The following PTPN1 variants were observed in gnomAD, a reference collection of about 807,000 sequenced individuals.
The protein encoded by PTPN1 is protein tyrosine phosphatase non-receptor type 1.
Under a neutral mutation model 59.9 loss-of-function variants are expected in PTPN1, and 12 were observed. The observed-to-expected ratio is 0.20, with a 90% CI of 0.13 to 0.32. The LOEUF is 0.32. Ranked by LOEUF, PTPN1 falls within the 10% of genes least tolerant of loss-of-function variation. The probability of loss-of-function intolerance (pLI) is 1.00; values close to 1 mark genes in which losing one functional copy is unlikely to be tolerated. For synonymous variants in PTPN1, 178 were observed against 203.6 expected (o/e 0.87, Z 1.07); for missense variants, 356 against 549.2 (o/e 0.65, Z 3.52).
chr20:50,523,877 T>C (rs1196182222), intron 1 of PTPN1, among the ~76,000 whole-genome samples: 1 of 152,184 alleles, frequency 6.6e-6, no homozygotes, highest in Non-Finnish European at 1.5e-5. Flanking sequence ...GGAGTGAGCC[T>C]GTATATTCTC....
At chr20:50,574,346 C>T in intron 4 of PTPN1, 171 bp from the exon 5 acceptor site, 1 of 638,408 alleles carries the variant, frequency 1.6e-6, no homozygotes, top group Non-Finnish European at 2.5e-6. Flanking sequence ...AGCTTCGTGC[C>T]CCCACCCCCA....
chr20:50,553,012 A>T (rs1381353924), intron 1 of PTPN1, among the ~76,000 whole-genome samples: 2 of 152,090 alleles, frequency 1.3e-5, no homozygotes, highest in Non-Finnish European at 2.9e-5. Context: ...TTGATTTTTC[A>T]ATTTAGTACT....
chr20:50,584,948 C>T lies in PTPN1; in HGVS notation c.*2233C>T, dbSNP rs1224561508. ...AGCACCCTCAGGCTGGAGCGCTTTC[C>T]TTGACTGTGAGCTTGTTGAACACCT... is the stretch of plus-strand genomic sequence containing the variant. On this transcript the variant is annotated 3_prime_UTR_variant, in exon 10 of 10. Coordinates refer to ENST00000371621, the MANE Select transcript of PTPN1 (RefSeq NM_002827.4). 3 of 152,216 alleles carry T rather than the reference C, an allele frequency of 2.0e-5. No individual in the cohort carries two copies. The highest frequency in any genetic ancestry group is 4.4e-5 in the Non-Finnish European group (3 of 68,036). 9.4% of individuals were successfully genotyped at this position (152,216 alleles called of 1,614,324 possible). A position where few individuals can be genotyped will look rare whatever the true frequency, so the allele number is the denominator to read the frequency against.
chr20:50,515,373 C>T (rs1313339792), intron 1 of PTPN1, among the ~76,000 whole-genome samples: 5 of 152,230 alleles, frequency 3.3e-5, no homozygotes, highest in Non-Finnish European at 7.3e-5. Flanking sequence ...GAGTTTTGTT[C>T]CGTCACCTGT....
Position 50,510,451 on chromosome 20 carries a change from TA to T in PTPN1, c.-75del. 6.7e-7 allele frequency: 1 copy of T among 1,502,146 alleles called. No individual in the cohort carries two copies. Among genetic ancestry groups the T allele is most frequent in the Non-Finnish European group, 9.0e-7 (1 of 1,110,798 alleles). 93.1% of individuals were successfully genotyped at this position (1,502,146 alleles called of 1,614,324 possible). A position where few individuals can be genotyped will look rare whatever the true frequency, so the allele number is the denominator to read the frequency against. ...CGGGGATTGCAGCGGGCCTCGGGGC[TA>T]AGAGCGCGACGCGGCCTAGAGCGGC... is the stretch of plus-strand genomic sequence containing the variant. On this transcript the variant is annotated 5_prime_UTR_variant, in exon 1 of 10. Coordinates refer to ENST00000371621, the MANE Select transcript of PTPN1 (RefSeq NM_002827.4).
At chr20:50,541,583 C>G (rs375918091) in intron 1 of PTPN1, among the ~76,000 whole-genome samples, 1 of 152,114 alleles carries the variant, frequency 6.6e-6, no homozygotes, top group Admixed American at 6.5e-5. Context: ...CAAACCAGAC[C>G]CGGTCGCAGG....
At chr20:50,514,069 T>C (rs552240226) in intron 1 of PTPN1, among the ~76,000 whole-genome samples, 183 of 152,368 alleles carry the variant, frequency 1.2e-3, no homozygotes, top group African/African-American at 4.2e-3. Flanking sequence ...TGGACTGATA[T>C]TAGATTAACT....
chr20:50,558,847 T>TC (rs1272782975), intron 1 of PTPN1, among the ~76,000 whole-genome samples: 4 of 152,016 alleles, frequency 2.6e-5, no homozygotes, highest in Non-Finnish European at 5.9e-5. Flanking sequence ...TATCTCTCCC[T>TC]CCAGTTTTTG....
chr20:50,563,324 GCT>G (rs2082761969), intron 2 of PTPN1, among the ~76,000 whole-genome samples: 1 of 152,136 alleles, frequency 6.6e-6, no homozygotes, highest in East Asian at 1.9e-4. Context: ...AGCTCACAGT[GCT>G]GCTGGTGATG....
rs1219424092 is a variant in PTPN1, at chr20:50,568,712, T to G, written c.354+234T>G. The stretch of plus-strand genomic sequence containing the variant: ...CTGCACGGACCTCTTCGCCCCCGCC[T>G]TCTCCTGTGTGGTGCGTGTGGCGCT... On this transcript the variant is annotated intron_variant, in intron 4 of 9. Coordinates refer to ENST00000371621, the MANE Select transcript of PTPN1 (RefSeq NM_002827.4). This position sits in a 1 kb window ranked among gnomAD's most constrained non-coding sequence, Gnocchi z 5.6. 6.6e-6 allele frequency among the ~76,000 whole-genome samples: 1 copy of G among 152,250 alleles called. No homozygotes were observed. The highest frequency in any genetic ancestry group is 2.4e-5 in the African/African-American group (1 of 41,468).
intron 1 of PTPN1, among the ~76,000 whole-genome samples, chr20:50,549,538 G>A (rs1364252681): frequency 6.6e-6 from 1 of 152,156 alleles, no homozygotes; most frequent in Admixed American, 6.5e-5. Flanking sequence ...CTGTGGCAGG[G>A]ACAGTTACTT....
At chr20:50,537,815 A>G (rs1048249861) in intron 1 of PTPN1, among the ~76,000 whole-genome samples, 5 of 152,212 alleles carry the variant, frequency 3.3e-5, no homozygotes, top group African/African-American at 1.2e-4. Flanking sequence ...ATACCTAACC[A>G]ACAGAGAACC....
Position 50,578,505 on chromosome 20 carries a change from A to C in PTPN1, c.578A>C (p.Asn193Thr). Residue 193 changes from asparagine (N) to threonine (T), a missense_variant, in exon 6 of 10, where the codon AAC (asparagine) becomes ACC (threonine). Physicochemically the swap from Asn to Thr is moderately conservative, Grantham distance 65 (BLOSUM62 0). This residue lies in a region of PTPN1 where 194 missense variants were observed against 344.2 expected (regional missense o/e 0.56). Coordinates refer to ENST00000371621, the MANE Select transcript of PTPN1 (RefSeq NM_002827.4). ...GVPESPASFL[N>T]FLFKVRESGS... ...CCTGAATCACCAGCCTCATTCTTGA[A>C]CTTTCTTTTCAAAGTCCGAGAGTCA... 3.7e-6 allele frequency: 6 copies of C among 1,614,154 alleles called. No individual in the cohort carries two copies. Among genetic ancestry groups the C allele is most frequent in the Non-Finnish European group, 5.1e-6 (6 of 1,180,028 alleles).
Position 50,582,695 on chromosome 20 carries a change from C to T in PTPN1, c.1288C>T (p.Leu430=). ...GAACTGTTTGGTTTCATTCCAGTTC[C>T]TGTTCAACAGCAACACATAGCCTGA... The part of the protein sequence containing the change: ...TAGAYLCYRF[L]FNSNT Residue 430 remains leucine, a synonymous_variant, in exon 10 of 10, where the codon CTG becomes TTG. Coordinates refer to ENST00000371621, the MANE Select transcript of PTPN1 (RefSeq NM_002827.4). This position sits in a 1 kb window ranked among gnomAD's most constrained non-coding sequence, Gnocchi z 4.2. 1 of 1,613,836 alleles carries T rather than the reference C, an allele frequency of 6.2e-7. No homozygotes were observed. Among genetic ancestry groups the T allele is most frequent in the Non-Finnish European group, 8.5e-7 (1 of 1,179,914 alleles).
At chr20:50,523,582 AAT>A (rs1490938981) in intron 1 of PTPN1, among the ~76,000 whole-genome samples, 1 of 152,224 alleles carries the variant, frequency 6.6e-6, no homozygotes, top group Non-Finnish European at 1.5e-5. Context: ...TTCAAAAAAT[AAT>A]ACATGAACAG....
In PTPN1 at chr20:50,565,105, A is replaced by G. The variant is rs200437729; in HGVS notation, c.255+36A>G. The G allele has an allele frequency of 6.4e-4, 1,021 of 1,594,778 alleles. 2 individuals carry two copies. The highest frequency in any genetic ancestry group is 7.6e-4 in the Non-Finnish European group (885 of 1,171,352). ...TGTCTGAATTTTCTATTTAATGTCAATTTAAGAGTTTGAGAGTGCTGTTAT... is the reference window on the plus strand; with the variant it reads ...TGTCTGAATTTTCTATTTAATGTCAGTTTAAGAGTTTGAGAGTGCTGTTAT... On this transcript the variant is annotated intron_variant, in intron 3 of 9. Coordinates refer to ENST00000371621, the MANE Select transcript of PTPN1 (RefSeq NM_002827.4).
At chr20:50,523,587 A>G (rs773870517) in intron 1 of PTPN1, among the ~76,000 whole-genome samples, 8 of 152,196 alleles carry the variant, frequency 5.3e-5, no homozygotes, top group African/African-American at 1.9e-4. Context: ...AAAATAATAC[A>G]TGAACAGCTA....
chr20:50,557,011 A>G (rs1397160587), intron 1 of PTPN1, among the ~76,000 whole-genome samples: 2 of 152,236 alleles, frequency 1.3e-5, no homozygotes, highest in Non-Finnish European at 2.9e-5. Context: ...AGAAAAGGTC[A>G]AAAGAAGCAG....
chr20:50,569,551 TC>T (rs2082796501), intron 4 of PTPN1, among the ~76,000 whole-genome samples: 1 of 152,024 alleles, frequency 6.6e-6, no homozygotes, highest in Non-Finnish European at 1.5e-5. Context: ...GTGTAGACTG[TC>T]CTGTGTAGAT....
Sources: gnomAD v4.1 joint callset for allele counts (sites outside exome capture counted in the v4.1 genomes callset) on GRCh38, gnomAD v4.1.1 for gene constraint, gnomAD v4.1.1 regional missense constraint, Gnocchi (gnomAD v3.1) non-coding constraint, MANE v1.5 for transcripts, NCBI Gene and HGNC (gene_info 2026-07-23, HGNC 2026-07-21) for gene names.